XRCC2: variants seen among roughly 807,000 people sequenced by gnomAD.
XRCC2 encodes the protein DNA repair protein XRCC2.
Under a neutral mutation model 27.3 loss-of-function variants are expected in XRCC2, and 24 were observed. The observed-to-expected ratio is 0.88, with a 90% confidence interval of 0.64 to 1.24. XRCC2 has a LOEUF of 1.24. Among genes scored for constraint, XRCC2 ranks in the 50% most tolerant of loss-of-function variants. The pLI is 0.00. For missense variants in XRCC2, 321 were observed against 325.8 expected, an observed-to-expected ratio of 0.99 and a Z score of 0.11; for synonymous variants, 106 against 115.4, an observed-to-expected ratio of 0.92 and a Z score of 0.52.
Position 152,647,637 on chromosome 7 carries a change from G to A in XRCC2, c.*1005C>T, listed in dbSNP as rs1001535437. The A allele has an allele frequency of 6.6e-6, 1 of 152,122 alleles. No individual in the cohort carries two copies. The highest frequency in any genetic ancestry group is 1.5e-5 in the Non-Finnish European group (1 of 68,018). The allele number at this position is 152,122 out of a possible 1,614,324, so 9.4% of individuals were successfully genotyped here. On this transcript the variant is annotated 3_prime_UTR_variant, in exon 3 of 3. Coordinates refer to ENST00000359321, the MANE Select transcript of XRCC2 (RefSeq NM_005431.2). The stretch of plus-strand genomic sequence containing the variant: ...TATGGCTGGCCAGTTATCCCAGCAC[G>A]ATTTATTGAATAGAGAATCCATTGC...
chr7:152,673,433 G>A (rs1313039778), intron 1 of XRCC2, among the ~76,000 whole-genome samples: 2 of 151,930 alleles, frequency 1.3e-5, no homozygotes, highest in Non-Finnish European at 2.9e-5. Context: ...CCAAAGTGTT[G>A]GGATTACGGG....
At chr7:152,657,479 T>C (rs3218484) in intron 2 of XRCC2, among the ~76,000 whole-genome samples, 143,671 of 151,876 alleles carry the variant, frequency 0.95, 68,010 homozygotes, top group Admixed American at 0.95. Flanking sequence ...TTTGTAGAGA[T>C]GAGGTTTCAC....
intron 1 of XRCC2, among the ~76,000 whole-genome samples, chr7:152,670,443 C>G (rs1242122658): frequency 6.6e-6 from 1 of 152,140 alleles, no homozygotes; most frequent in Non-Finnish European, 1.5e-5. Flanking sequence ...AAAGAACCTC[C>G]AACTATTTAG....
At chr7:152,663,346 TAAAAAAAAAAAAAAAA>T (rs530664762) in intron 1 of XRCC2, among the ~76,000 whole-genome samples, 1 of 80,894 alleles carries the variant, frequency 1.2e-5, no homozygotes, top group East Asian at 4.1e-4. Flanking sequence ...GTCTTTGAAG[TAAAAAAAAAAAAAAAA>T]AAAAAAAAAA....
chr7:152,671,532 A>G (rs2098038184), intron 1 of XRCC2, among the ~76,000 whole-genome samples: 1 of 152,198 alleles, frequency 6.6e-6, no homozygotes, highest in Admixed American at 6.5e-5. Flanking sequence ...CTCTTCTCTT[A>G]TACCTATACT....
rs577288938 is a variant in XRCC2, at chr7:152,647,168, C to T, written c.*1474G>A. ...TTCTCTAATGATCAGTGATGCTGGGCTTTTTTCCATAGGATTGTTGGCCAC... is the reference window on the plus strand; with the variant it reads ...TTCTCTAATGATCAGTGATGCTGGGTTTTTTTCCATAGGATTGTTGGCCAC... On this transcript the variant is annotated 3_prime_UTR_variant, in exon 3 of 3. Coordinates refer to ENST00000359321, the MANE Select transcript of XRCC2 (RefSeq NM_005431.2). 6.6e-6 allele frequency: 1 copy of T among 152,244 alleles called. No individual in the cohort carries two copies. Among genetic ancestry groups the T allele is most frequent in the South Asian group, 2.1e-4 (1 of 4,824 alleles). 9.4% of individuals were successfully genotyped at this position (152,244 alleles called of 1,614,324 possible).
Position 152,676,128 on chromosome 7 carries a change from G to C in XRCC2, c.-49C>G. On this transcript the variant is annotated 5_prime_UTR_variant, in exon 1 of 3. Coordinates refer to ENST00000359321, the MANE Select transcript of XRCC2 (RefSeq NM_005431.2). Reference sequence around the variant, plus strand: ...GAGACTCAACTTTCCCGCCACCAACGCCATTCACCAACTGCGCAGACTCTA... The same window carrying C: ...GAGACTCAACTTTCCCGCCACCAACCCCATTCACCAACTGCGCAGACTCTA... 1 of 1,612,520 alleles carries C rather than the reference G, an allele frequency of 6.2e-7. No individual in the cohort carries two copies.
chr7:152,663,084 C>T (rs2098034008), intron 1 of XRCC2, among the ~76,000 whole-genome samples: 1 of 152,006 alleles, frequency 6.6e-6, no homozygotes, highest in South Asian at 2.1e-4. Context: ...TGTCATAATA[C>T]AAGGTAAAGT....
intron 2 of XRCC2, among the ~76,000 whole-genome samples, chr7:152,651,003 A>C (rs1474148547): frequency 6.6e-6 from 1 of 152,042 alleles, no homozygotes; most frequent in East Asian, 1.9e-4. Flanking sequence ...GCAGTGGTTC[A>C]ATCTTGGCTT....
chr7:152,648,700 C>G lies in XRCC2; in HGVS notation c.785G>C (p.Ser262Thr). 6.2e-7 allele frequency: 1 copy of G among 1,609,660 alleles called. No homozygotes were observed. The highest frequency in any genetic ancestry group is 8.5e-7 in the Non-Finnish European group (1 of 1,178,932). ...QFSLVSRCLK[S>T]NSLKKHFFII... is the part of the protein sequence containing the mutation. ...AAAAAAATGTTTTTTTAAACTGTTA[C>G]TTTTTAAACAACGTGAAACTAATGA... Residue 262 changes from serine (S) to threonine (T), a missense_variant, in exon 3 of 3, where the codon AGT (serine) becomes ACT (threonine). Ser to Thr is a moderately conservative substitution (Grantham distance 58, BLOSUM62 1). Transcript: ENST00000359321.
intron 1 of XRCC2, among the ~76,000 whole-genome samples, chr7:152,662,565 ATTTTTT>A (rs11323323): frequency 8.4e-3 from 572 of 67,758 alleles, no homozygotes; most frequent in African/African-American, 0.03. Context: ...TTTTATTTGC[ATTTTTT>A]TTTTTTTTTT....
chr7:152,656,817 G>A (rs1419275196), intron 2 of XRCC2, among the ~76,000 whole-genome samples: 1 of 152,124 alleles, frequency 6.6e-6, no homozygotes, highest in East Asian at 1.9e-4. Flanking sequence ...GAGAATTTTG[G>A]TTAGCAAATC....
chr7:152,662,608 T>TCCA (rs2098033617), intron 1 of XRCC2, among the ~76,000 whole-genome samples: 1 of 134,612 alleles, frequency 7.4e-6, no homozygotes, highest in Non-Finnish European at 1.6e-5. Context: ...AGTCTCGCTC[T>TCCA]GTCGCCCAGG....
chr7:152,667,189 C>T (rs1003038178), intron 1 of XRCC2, among the ~76,000 whole-genome samples: 13 of 151,478 alleles, frequency 8.6e-5, no homozygotes, highest in Non-Finnish European at 1.9e-4. Flanking sequence ...GGGCAGATCA[C>T]CTGAGATTGG....
At chr7:152,663,852 C>CG in intron 1 of XRCC2, 1 of 152,560 alleles carries the variant, frequency 6.6e-6, no homozygotes, top group East Asian at 1.9e-4. Flanking sequence ...GCCCCCCCCC[C>CG]CCAAAAATAG....
chr7:152,674,487 C>T (rs1456854094), intron 1 of XRCC2, among the ~76,000 whole-genome samples: 1 of 151,550 alleles, frequency 6.6e-6, no homozygotes, highest in Non-Finnish European at 1.5e-5. Flanking sequence ...TGGCGTGTGC[C>T]TGTAATCCCA....
chr7:152,662,785 G>T (rs1004198511), intron 1 of XRCC2, among the ~76,000 whole-genome samples: 1 of 150,922 alleles, frequency 6.6e-6, no homozygotes, highest in African/African-American at 2.4e-5. Flanking sequence ...ATTTTAGCCG[G>T]GATGGTCTCG....
At chr7:152,663,967 CA>C (rs2098034505) in intron 1 of XRCC2, 1 of 152,242 alleles carries the variant, frequency 6.6e-6, no homozygotes, top group Non-Finnish European at 1.5e-5. Flanking sequence ...AAGCTAAGGT[CA>C]GCTATGCAGG....
rs145795614 is a variant in XRCC2, at chr7:152,671,060, C to T, written c.39+4981G>A. On this transcript the variant is annotated intron_variant, in intron 1 of 2. Coordinates refer to ENST00000359321, the MANE Select transcript of XRCC2 (RefSeq NM_005431.2). Reference sequence around the variant, plus strand: ...TGAAACCCCATCTCTACTAAAAATACAACAATTAGCTAGCTATGGTGGCAC... The same window carrying T: ...TGAAACCCCATCTCTACTAAAAATATAACAATTAGCTAGCTATGGTGGCAC... Among the ~76,000 whole-genome samples, 758 of 152,080 alleles carry T rather than the reference C, an allele frequency of 5.0e-3. 1 individual carries two copies. Among genetic ancestry groups the T allele is most frequent in the Middle Eastern group, 0.01 (3 of 294 alleles).
Sources: allele counts gnomAD v4.1 joint callset (sites outside exome capture counted in the v4.1 genomes callset), GRCh38; gene constraint gnomAD v4.1.1; transcripts MANE v1.5; gene names NCBI Gene and HGNC (gene_info 2026-07-23, HGNC 2026-07-21).